The following CELF1 variants were observed in gnomAD, a reference collection of about 807,000 sequenced individuals.
CELF1 encodes the protein 50 kDa nuclear polyadenylated RNA-binding protein.
CELF1 carries 10 observed loss-of-function variants against 61.8 expected under a neutral mutation model. The ratio of observed to expected loss-of-function variants is 0.16; its 90% CI spans 0.10 to 0.27. The LOEUF (loss-of-function observed/expected upper bound fraction) is 0.27, where lower values mean the gene tolerates loss of function less well. Ranked by LOEUF, CELF1 falls within the 10% of genes least tolerant of loss-of-function variation. The probability of loss-of-function intolerance (pLI) is 1.00; values close to 1 mark genes in which losing one functional copy is unlikely to be tolerated. For missense variants in CELF1, 380 were observed against 639.1 expected (o/e 0.59, Z 4.37); for synonymous variants, 236 against 225.1 (o/e 1.05, Z -0.43).
chr11:47,557,845 A>C (rs1203834286), upstream of CELF1: 2 of 150,570 alleles, frequency 1.3e-5, no homozygotes, highest in Non-Finnish European at 3.0e-5. Flanking sequence ...CTTGTCTCTA[A>C]AAGAAAAAAA....
chr11:47,537,519 T>C (rs1156511576), intron 1 of CELF1, among the ~76,000 whole-genome samples: 1 of 152,126 alleles, frequency 6.6e-6, no homozygotes, highest in Non-Finnish European at 1.5e-5. Flanking sequence ...TGTGCTGGGA[T>C]TACAGGCGTG....
At position 47,466,701 on chromosome 11, in the gene CELF1, C is replaced by G. The variant is rs763058410; in HGVS notation, c.*5529G>C. ...GAGAGAGAAAAGGAAAAGGAAACAA[C>G]GTCCAACATTTGGCATTTGGTTTTA... On this transcript the variant is annotated 3_prime_UTR_variant, in exon 15 of 15. Coordinates refer to ENST00000687097, the MANE Select transcript of CELF1 (RefSeq NM_001376376.1). 3.9e-5 allele frequency: 6 copies of G among 152,172 alleles called. No homozygotes were observed. Among genetic ancestry groups the G allele is most frequent in the Non-Finnish European group, 8.8e-5 (6 of 68,046 alleles). 9.4% of individuals were successfully genotyped at this position (152,172 alleles called of 1,614,324 possible).
At chr11:47,511,130 G>C (rs2095119967) in intron 1 of CELF1, among the ~76,000 whole-genome samples, 1 of 152,166 alleles carries the variant, frequency 6.6e-6, no homozygotes. Context: ...AGGCTGCAGT[G>C]AGCTGTGATG....
chr11:47,486,884 G>A (rs1236069806), intron 5 of CELF1, 86 bp from the exon 6 acceptor site: 2 of 1,032,126 alleles, frequency 1.9e-6, no homozygotes, highest in East Asian at 2.4e-5. Flanking sequence ...CAGAACTAGA[G>A]CTTTAAAGAG....
chr11:47,505,084 C>T (rs2094369862), intron 1 of CELF1, among the ~76,000 whole-genome samples: 1 of 151,024 alleles, frequency 6.6e-6, no homozygotes, highest in African/African-American at 2.4e-5. Context: ...ATTTCCTCCC[C>T]TATCCTTAAT....
At chr11:47,499,839 T>C (rs1023487910) in intron 2 of CELF1, 7 of 264,502 alleles carry the variant, frequency 2.6e-5, no homozygotes, top group Non-Finnish European at 2.9e-5. Context: ...GTCAGATAAA[T>C]AGTGTCAGAT....
intron 1 of CELF1, chr11:47,564,497 A>G (rs1269327122): frequency 1.3e-5 from 2 of 151,642 alleles, no homozygotes; most frequent in African/African-American, 4.9e-5. Context: ...AACAAAAAAC[A>G]AAAACTCCAC....
chr11:47,555,975 G>T (rs1285505683), upstream of CELF1, among the ~76,000 whole-genome samples: 1 of 148,870 alleles, frequency 6.7e-6, no homozygotes, highest in Non-Finnish European at 1.5e-5. Context: ...ACTCCAGCCT[G>T]GGCGACACAG....
upstream of CELF1, among the ~76,000 whole-genome samples, chr11:47,556,914 T>C (rs2153789177): frequency 6.6e-6 from 1 of 152,252 alleles, no homozygotes; most frequent in Admixed American, 6.5e-5. Flanking sequence ...TTATTATTTA[T>C]TTTGAGACGG....
chr11:47,491,069 C>G (rs1282893758), intron 3 of CELF1, among the ~76,000 whole-genome samples: 1 of 149,590 alleles, frequency 6.7e-6, no homozygotes, highest in African/African-American at 2.5e-5. Context: ...GCCATGTTGG[C>G]CAGGCTGGTC....
At chr11:47,475,996 C>T (rs186544613) in intron 12 of CELF1, among the ~76,000 whole-genome samples, 6 of 151,318 alleles carry the variant, frequency 4.0e-5, no homozygotes, top group African/African-American at 1.5e-4. Flanking sequence ...TACCTATGTT[C>T]TAATTTTTTT....
At chr11:47,545,063 A>C (rs1213851103) in intron 1 of CELF1, among the ~76,000 whole-genome samples, 1 of 152,142 alleles carries the variant, frequency 6.6e-6, no homozygotes, top group Non-Finnish European at 1.5e-5. Flanking sequence ...CAGGCGGATA[A>C]CTTGAGATCA....
intron 1 of CELF1, among the ~76,000 whole-genome samples, chr11:47,519,880 G>T (rs1218066522): frequency 6.6e-6 from 1 of 151,100 alleles, no homozygotes; most frequent in Non-Finnish European, 1.5e-5. Context: ...AAAAAAAGGA[G>T]TGCTTCTCAC....
chr11:47,492,975 G>A (rs987841461), intron 3 of CELF1, among the ~76,000 whole-genome samples: 3 of 152,126 alleles, frequency 2.0e-5, no homozygotes, highest in African/African-American at 7.2e-5. Context: ...ACTGCTCCCA[G>A]ATTGCCCCTT....
At chr11:47,512,838 A>G (rs980498168) in intron 1 of CELF1, among the ~76,000 whole-genome samples, 2 of 152,162 alleles carry the variant, frequency 1.3e-5, no homozygotes, top group Non-Finnish European at 2.9e-5. Context: ...TGCTCCAGAG[A>G]GCCAAGTAAA....
chr11:47,552,013 T>TAAA (rs78697230), intron 1 of CELF1, among the ~76,000 whole-genome samples: 1 of 127,138 alleles, frequency 7.9e-6, no homozygotes, highest in African/African-American at 2.9e-5. Flanking sequence ...AACTCCGTCT[T>TAAA]AAAAAAAAAA....
At chr11:47,520,504 G>A (rs2095830300) in intron 1 of CELF1, among the ~76,000 whole-genome samples, 1 of 152,128 alleles carries the variant, frequency 6.6e-6, no homozygotes, top group South Asian at 2.1e-4. Context: ...GATGTGTGGT[G>A]CAGGAACGAG....
At chr11:47,483,349 C>A (rs1005927187) in intron 8 of CELF1, 104 bp downstream of exon 8, 2 of 846,290 alleles carry the variant, frequency 2.4e-6, no homozygotes, top group Non-Finnish European at 2.0e-6. Context: ...GGCTGTTTAA[C>A]CTTCTGGGCA....
At chr11:47,526,912 G>A (rs2096264067) in intron 1 of CELF1, among the ~76,000 whole-genome samples, 1 of 152,174 alleles carries the variant, frequency 6.6e-6, no homozygotes, top group South Asian at 2.1e-4. Context: ...TTAGCTGGGC[G>A]TGGGGGCGCG....
Sources: allele counts gnomAD v4.1 joint callset (sites outside exome capture counted in the v4.1 genomes callset), GRCh38; gene constraint gnomAD v4.1.1; transcripts MANE v1.5; gene names NCBI Gene and HGNC (gene_info 2026-07-23, HGNC 2026-07-21).